FILIP1: variants seen among roughly 807,000 people sequenced by gnomAD.
The protein encoded by FILIP1 is filamin-A-interacting protein 1.
FILIP1 carries 61 observed loss-of-function variants against 102.1 expected under a neutral mutation model. The observed-to-expected ratio is 0.60, with a 90% CI of 0.49 to 0.74. The LOEUF (loss-of-function observed/expected upper bound fraction) is 0.74, where lower values mean the gene tolerates loss of function less well. FILIP1 is among the 30% of genes least tolerant of loss of function. The pLI, the probability that FILIP1 is intolerant of heterozygous loss-of-function variation, is 0.00. For missense variants in FILIP1, 1,314 were observed against 1,441.2 expected (o/e 0.91, Z 1.43); for synonymous variants, 491 against 526.9 (o/e 0.93, Z 0.93).
chr6:75,479,866 C>A (rs1386065914), intron 1 of FILIP1, among the ~76,000 whole-genome samples: 5 of 20,598 alleles, frequency 2.4e-4, no homozygotes, highest in Admixed American at 4.7e-4. Flanking sequence ...AAAGCTGTAT[C>A]TCAAAAAAAA....
intron 2 of FILIP1, among the ~76,000 whole-genome samples, chr6:75,397,537 GACACACACACACACACACACACAC>G (rs59797690): frequency 1.4e-5 from 2 of 139,046 alleles, no homozygotes; most frequent in African/African-American, 5.3e-5. Flanking sequence ...ACACATATAA[GACACACACACACACACACACACAC>G]ACACACACAC....
chr6:75,440,987 CTT>C (rs930308096), intron 1 of FILIP1, among the ~76,000 whole-genome samples: 8 of 141,162 alleles, frequency 5.7e-5, no homozygotes, highest in Non-Finnish European at 6.2e-5. Flanking sequence ...GTAAAACTTC[CTT>C]TTTTTTTTTT....
chr6:75,313,189 G>A lies in FILIP1; in HGVS notation c.2643C>T (p.Ser881=). 1.9e-6 allele frequency: 3 copies of A among 1,614,152 alleles called. No homozygotes were observed. The highest frequency in any genetic ancestry group is 2.5e-6 in the Non-Finnish European group (3 of 1,180,036). Residue 881 remains serine, a synonymous_variant, in exon 5 of 6, where the codon TCC becomes TCT. Transcript: ENST00000237172. This position sits in a 1 kb window ranked among gnomAD's most constrained non-coding sequence, Gnocchi z 4.2. ...PWMRKRENGP[S]ITQEKGPRTN... ...TTCGGGGCCCTTTCTCCTGAGTGATGGAGGGGCCGTTTTCCCTCTTTCTCA... is the reference window on the plus strand; with the variant it reads ...TTCGGGGCCCTTTCTCCTGAGTGATAGAGGGGCCGTTTTCCCTCTTTCTCA...
chr6:75,353,651 C>G lies in FILIP1; in HGVS notation c.517G>C (p.Glu173Gln), dbSNP rs780969364. The G allele has an allele frequency of 6.2e-7, 1 of 1,614,184 alleles. No homozygotes were observed. The highest frequency in any genetic ancestry group is 1.1e-5 in the South Asian group (1 of 91,090). Residue 173 changes from glutamate to glutamine, a missense_variant, in exon 4 of 6, where the codon GAG becomes CAG. Glu to Gln is a conservative substitution (Grantham distance 29). This residue lies in a region of FILIP1 where 494 missense variants were observed against 511.2 expected (regional missense o/e 0.97). Coordinates refer to ENST00000237172, the MANE Select transcript of FILIP1 (RefSeq NM_015687.5). ...RRMLEQLLLAEKCHRRTVYEL... is the reference protein window; with the variant it reads ...RRMLEQLLLAQKCHRRTVYEL... ...TATACGGTGCGCCTATGACACTTCT[C>G]GGCCAGCAACAGCTGCTCTAGCATG...
In FILIP1 at chr6:75,312,444, T is replaced by G. The variant is rs866402503; in HGVS notation, c.3388A>C (p.Thr1130Pro). The change falls in exon 5 of 6, where the codon ACC becomes CCC. Residue 1130 changes from threonine to proline, a missense_variant. Thr to Pro is a conservative substitution (Grantham distance 38). Around this residue, in one of 3 missense-constraint regions of FILIP1, gnomAD observed 816 missense variants for 913.1 expected, o/e 0.89. Coordinates refer to ENST00000237172, the MANE Select transcript of FILIP1 (RefSeq NM_015687.5). ...GATGACGTTGTGACCGGTGTTATGG[T>G]GATAGTGCTCGTCACTTTGCTTGCA... ...PGASKVTSTI[T>P]ITPVTTSSAR... 4 of 1,613,988 alleles carry G rather than the reference T, an allele frequency of 2.5e-6. No homozygotes were observed. In the African/African-American group the frequency reaches 5.3e-5, roughly 22 times the overall value.
At chr6:75,299,743 A>C (rs1772783756) in intron 6 of FILIP1, among the ~76,000 whole-genome samples, 1 of 152,194 alleles carries the variant, frequency 6.6e-6, no homozygotes, top group South Asian at 2.1e-4. Context: ...GTTTTTATGA[A>C]GTCTTTTAGT....
intron 1 of FILIP1, among the ~76,000 whole-genome samples, chr6:75,466,423 T>C (rs559027217): frequency 6.6e-6 from 1 of 152,322 alleles, no homozygotes; most frequent in South Asian, 2.1e-4. Context: ...GATAAATGAA[T>C]GCAGTGTTTT....
chr6:75,386,657 G>A (rs764380850), intron 2 of FILIP1, among the ~76,000 whole-genome samples: 47 of 152,144 alleles, frequency 3.1e-4, no homozygotes, highest in Non-Finnish European at 4.3e-4. Context: ...GTGTCTGGGC[G>A]TTGCTTTTCC....
chr6:75,320,751 C>T (rs890089138), intron 4 of FILIP1, among the ~76,000 whole-genome samples: 2 of 152,174 alleles, frequency 1.3e-5, no homozygotes, highest in African/African-American at 4.8e-5. Context: ...GTTCCTCTGT[C>T]TAATGAGCAA....
chr6:75,399,787 A>C (rs1478291077), intron 2 of FILIP1, among the ~76,000 whole-genome samples: 3 of 152,216 alleles, frequency 2.0e-5, no homozygotes, highest in Non-Finnish European at 4.4e-5. Context: ...TCACATGGGC[A>C]ACACAGATAT....
At position 75,416,959 on chromosome 6, in the gene FILIP1, T is replaced by C. The variant is rs1404327106; in HGVS notation, c.-6-1981A>G. ...CTGCAAACATACAGAAAATAATCTA[T>C]TAGTATCAATTTTATATTAGTTCTT... is the stretch of plus-strand genomic sequence containing the variant. On this transcript the variant is annotated intron_variant, in intron 1 of 5. Coordinates refer to ENST00000237172, the MANE Select transcript of FILIP1 (RefSeq NM_015687.5). 2.6e-5 allele frequency among the ~76,000 whole-genome samples: 4 copies of C among 152,098 alleles called. No individual in the cohort carries two copies. In the East Asian group the frequency reaches 5.8e-4, roughly 22 times the overall value.
At chr6:75,405,004 T>A (rs530776394) in intron 2 of FILIP1, among the ~76,000 whole-genome samples, 2 of 152,316 alleles carry the variant, frequency 1.3e-5, no homozygotes, top group East Asian at 3.9e-4. Context: ...CTTCTTTCTA[T>A]GCCTTTCTCA....
At chr6:75,291,987 T>TC (rs1772558770) in exon 7 of FILIP1, 1 of 152,248 alleles carries the variant, frequency 6.6e-6, no homozygotes, top group Non-Finnish European at 1.5e-5. Flanking sequence ...ACTTTGGAAG[T>TC]AACAGAGAAT....
rs778800256 is a variant in FILIP1 at position 75,314,406 on chromosome 6, G to A, written c.1426C>T (p.Arg476Ter). 32 of 1,537,648 alleles carry A rather than the reference G, an allele frequency of 2.1e-5. No individual in the cohort carries two copies. The highest frequency in any genetic ancestry group is 2.5e-5 in the Non-Finnish European group (29 of 1,150,824). The change falls in exon 5 of 6, where the codon CGA becomes TGA. Residue 476 changes from arginine to a stop codon, truncating the protein, a stop_gained. Coordinates refer to ENST00000237172, the MANE Select transcript of FILIP1 (RefSeq NM_015687.5). LOFTEE classifies it high-confidence loss of function. The part of the protein sequence containing the change: ...LLNELEVVKS[R>*]VKELECSESR... ...TCAGAACATTCCAATTCTTTAACTC[G>A]ACTCTTGACCACCTCCAATTCATTT...
At chr6:75,446,835 T>C (rs1214346347) in intron 1 of FILIP1, among the ~76,000 whole-genome samples, 1 of 152,022 alleles carries the variant, frequency 6.6e-6, no homozygotes, top group Non-Finnish European at 1.5e-5. Context: ...ATTTGGGGAG[T>C]TGGATTTTTT....
intron 2 of FILIP1, chr6:75,398,799 A>G (rs1271083243): frequency 6.6e-6 from 1 of 152,232 alleles, no homozygotes; most frequent in Non-Finnish European, 1.5e-5. Context: ...AAAAAGTTTT[A>G]CATGAATAGT....
At chr6:75,447,426 C>T (rs1233563585) in intron 1 of FILIP1, among the ~76,000 whole-genome samples, 2 of 152,068 alleles carry the variant, frequency 1.3e-5, no homozygotes, top group African/African-American at 4.8e-5. Flanking sequence ...TGGATGAGGT[C>T]AAGGTATCCT....
chr6:75,308,889 T>C lies in FILIP1; in HGVS notation c.3444A>G (p.Gln1148=), dbSNP rs1044744810. Residue 1148 remains glutamine (Q), a synonymous_variant, in exon 6 of 6, where the codon CAA becomes CAG. Coordinates refer to ENST00000237172, the MANE Select transcript of FILIP1 (RefSeq NM_015687.5). ...SARGTQSVSG[Q]DGSSQRPTPT... ...GTGTAGGCCGCTGGGATGACCCGTC[T>C]TGTCCTGACTGTAAGAGAGAAAATA... 6.2e-7 allele frequency: 1 copy of C among 1,613,976 alleles called. No individual in the cohort carries two copies. Among genetic ancestry groups the C allele is most frequent in the African/African-American group, 1.3e-5 (1 of 74,916 alleles).
chr6:75,445,200 G>T (rs1778405430), intron 1 of FILIP1, among the ~76,000 whole-genome samples: 1 of 152,078 alleles, frequency 6.6e-6, no homozygotes, highest in South Asian at 2.1e-4. Flanking sequence ...CACAAAAGTG[G>T]TTTTGTGTCA....
Sources: gnomAD v4.1 joint callset for allele counts (sites outside exome capture counted in the v4.1 genomes callset) on GRCh38, gnomAD v4.1.1 for gene constraint, gnomAD v4.1.1 regional missense constraint, Gnocchi (gnomAD v3.1) non-coding constraint, MANE v1.5 for transcripts, NCBI Gene and HGNC (gene_info 2026-07-23, HGNC 2026-07-21) for gene names.